The following KHDRBS3 variants were observed in gnomAD, a reference collection of about 807,000 sequenced individuals.
KHDRBS3 encodes the protein KH RNA binding domain containing, signal transduction associated 3, also known as KH domain-containing, RNA-binding, signal transduction-associated protein 3.
KHDRBS3 carries 23 observed loss-of-function variants against 45.6 expected under a neutral mutation model. The observed-to-expected ratio is 0.50, with a 90% CI of 0.36 to 0.72. The LOEUF is 0.72. Ranked by LOEUF, KHDRBS3 falls within the 30% of genes least tolerant of loss-of-function variation. The pLI, the probability that KHDRBS3 is intolerant of heterozygous loss-of-function variation, is 0.00. For missense variants in KHDRBS3, 352 were observed against 424.8 expected, an observed-to-expected ratio of 0.83 and a Z score of 1.51; for synonymous variants, 162 against 156.5, an observed-to-expected ratio of 1.04 and a Z score of -0.26.
At chr8:135,543,932 A>G (rs1826165505) in intron 3 of KHDRBS3, among the ~76,000 whole-genome samples, 1 of 152,196 alleles carries the variant, frequency 6.6e-6, no homozygotes, top group African/African-American at 2.4e-5. Flanking sequence ...AATGAATTTC[A>G]GTAGGTGTTT....
At chr8:135,579,480 G>A (rs145087079) in intron 5 of KHDRBS3, among the ~76,000 whole-genome samples, 23 of 152,198 alleles carry the variant, frequency 1.5e-4, no homozygotes, top group Non-Finnish European at 2.2e-4. Context: ...CATTACAGGC[G>A]TGTATCACCA....
chr8:135,471,913 A>G (rs950934333), intron 1 of KHDRBS3, among the ~76,000 whole-genome samples: 5 of 152,166 alleles, frequency 3.3e-5, no homozygotes, highest in Non-Finnish European at 5.9e-5. Flanking sequence ...TCTTTCTCCA[A>G]TGAGAATCCA....
intron 7 of KHDRBS3, among the ~76,000 whole-genome samples, chr8:135,618,843 G>GTA (rs1830023341): frequency 6.6e-6 from 1 of 152,154 alleles, no homozygotes; most frequent in Non-Finnish European, 1.5e-5. Flanking sequence ...GAACAGTTTA[G>GTA]TGTGGAGCCT....
chr8:135,518,918 G>T (rs571967724), intron 1 of KHDRBS3, among the ~76,000 whole-genome samples: 25 of 152,200 alleles, frequency 1.6e-4, no homozygotes, highest in African/African-American at 5.3e-4. Flanking sequence ...GTTTTAAATT[G>T]TTACCATGTT....
intron 5 of KHDRBS3, among the ~76,000 whole-genome samples, chr8:135,564,833 T>G (rs902686455): frequency 2.0e-5 from 3 of 152,208 alleles, no homozygotes; most frequent in African/African-American, 7.2e-5. Context: ...TTTTGTTCAT[T>G]AGCAGGATCT....
intron 1 of KHDRBS3, among the ~76,000 whole-genome samples, chr8:135,473,564 C>A (rs1352796778): frequency 6.6e-6 from 1 of 152,084 alleles, no homozygotes; most frequent in African/African-American, 2.4e-5. Context: ...TGGCCACAAC[C>A]TTTGATGTAT....
At chr8:135,556,930 A>AT (rs1826915497) in intron 4 of KHDRBS3, among the ~76,000 whole-genome samples, 1 of 152,156 alleles carries the variant, frequency 6.6e-6, no homozygotes, top group African/African-American at 2.4e-5. Context: ...AACTTGTATA[A>AT]TTTTCTACTG....
chr8:135,637,935 G>T (rs572178202), intron 7 of KHDRBS3, among the ~76,000 whole-genome samples: 13 of 152,282 alleles, frequency 8.5e-5, no homozygotes, highest in Middle Eastern at 3.4e-3. Context: ...TGGACTAAGA[G>T]CCTATATCTG....
chr8:135,647,166 C>A lies in KHDRBS3; in HGVS notation c.*82C>A. 1.8e-6 allele frequency: 1 copy of A among 546,956 alleles called. No individual in the cohort carries two copies. The highest frequency in any genetic ancestry group is 3.2e-6 in the Non-Finnish European group (1 of 310,926). The allele number at this position is 546,956 out of a possible 1,614,324, so 33.9% of individuals were successfully genotyped here. ...AAGTAATTTTTTTCTATGAACAATC[C>A]CTTTTTAAATAAATCAGAATGCTTA... is the stretch of plus-strand genomic sequence containing the variant. On this transcript the variant is annotated 3_prime_UTR_variant, in exon 9 of 9. Transcript: ENST00000355849.
chr8:135,484,250 C>T (rs1055183787), intron 1 of KHDRBS3, among the ~76,000 whole-genome samples: 1 of 152,228 alleles, frequency 6.6e-6, no homozygotes, highest in African/African-American at 2.4e-5. Flanking sequence ...ACTTTAAAAA[C>T]TAAGTTTCCC....
intron 2 of KHDRBS3, chr8:135,540,281 C>T (rs540476851): frequency 2.0e-5 from 3 of 152,136 alleles, no homozygotes; most frequent in Admixed American, 6.5e-5. Flanking sequence ...GAACCCTGAG[C>T]TGGCAGGCAG....
At chr8:135,598,606 T>A (rs1482951026) in intron 6 of KHDRBS3, among the ~76,000 whole-genome samples, 1 of 152,198 alleles carries the variant, frequency 6.6e-6, no homozygotes, top group Non-Finnish European at 1.5e-5. Flanking sequence ...TTAAATGATA[T>A]GAGAAAGATT....
chr8:135,471,329 G>T (rs988001315), intron 1 of KHDRBS3, among the ~76,000 whole-genome samples: 8 of 152,154 alleles, frequency 5.3e-5, no homozygotes, highest in African/African-American at 1.4e-4. Context: ...ACTTCTGGGG[G>T]AAACACCCCT....
intron 4 of KHDRBS3, among the ~76,000 whole-genome samples, chr8:135,550,637 A>G (rs1318556078): frequency 6.6e-6 from 1 of 152,160 alleles, no homozygotes; most frequent in African/African-American, 2.4e-5. Context: ...CCTTAAGTAA[A>G]TCTGGAAATC....
At chr8:135,481,245 TATATA>T (rs1181034622) in intron 1 of KHDRBS3, among the ~76,000 whole-genome samples, 15 of 131,330 alleles carry the variant, frequency 1.1e-4, no homozygotes, top group African/African-American at 1.7e-4. Context: ...TATATATATA[TATATA>T]TTTAATGTAA....
downstream of KHDRBS3, among the ~76,000 whole-genome samples, chr8:135,651,944 G>A (rs1831439232): frequency 6.6e-6 from 1 of 152,034 alleles, no homozygotes; most frequent in Non-Finnish European, 1.5e-5. Flanking sequence ...GAAAGACTCT[G>A]GTCACTGTAT....
intron 3 of KHDRBS3, among the ~76,000 whole-genome samples, chr8:135,544,746 A>G (rs1420738210): frequency 3.3e-5 from 5 of 152,246 alleles, no homozygotes; most frequent in African/African-American, 1.2e-4. Flanking sequence ...CAGATCACCC[A>G]TTCACTGGTT....
intron 1 of KHDRBS3, among the ~76,000 whole-genome samples, chr8:135,513,157 G>A (rs968213521): frequency 2.6e-5 from 4 of 151,792 alleles, no homozygotes; most frequent in Admixed American, 6.6e-5. Context: ...CCGAGATTGC[G>A]CCACTGCACT....
chr8:135,493,399 A>G (rs1366060518), intron 1 of KHDRBS3, among the ~76,000 whole-genome samples: 2 of 152,150 alleles, frequency 1.3e-5, no homozygotes, highest in Non-Finnish European at 2.9e-5. Context: ...AAATCATCCA[A>G]TCTTTCATCA....
Sources: gnomAD v4.1 joint callset for allele counts (sites outside exome capture counted in the v4.1 genomes callset) on GRCh38, gnomAD v4.1.1 for gene constraint, MANE v1.5 for transcripts, NCBI Gene and HGNC (gene_info 2026-07-23, HGNC 2026-07-21) for gene names.